NPEPPS: variants seen among roughly 807,000 people sequenced by gnomAD.
NPEPPS encodes the protein puromycin-sensitive aminopeptidase.
A neutral mutation model predicts 115.5 loss-of-function variants in NPEPPS; 14 were observed. That is an observed-to-expected ratio of 0.12 (90% CI 0.08 to 0.19). The LOEUF (loss-of-function observed/expected upper bound fraction) is 0.19, where lower values mean the gene tolerates loss of function less well. Among genes scored for constraint, NPEPPS ranks in the 10% least tolerant of loss-of-function variants. The pLI, the probability that NPEPPS is intolerant of heterozygous loss-of-function variation, is 1.00. For synonymous variants in NPEPPS, 285 were observed against 390.6 expected (o/e 0.73, Z 3.19); for missense variants, 523 against 1,110.8 (o/e 0.47, Z 7.52).
chr17:47,545,696 A>C (rs535362574), intron 1 of NPEPPS, among the ~76,000 whole-genome samples: 35 of 152,068 alleles, frequency 2.3e-4, no homozygotes, highest in African/African-American at 7.9e-4. Flanking sequence ...CTATAGGCAC[A>C]CATCACAACT....
At chr17:47,537,987 A>G (rs1206993717) in intron 1 of NPEPPS, among the ~76,000 whole-genome samples, 4 of 143,738 alleles carry the variant, frequency 2.8e-5, no homozygotes, top group East Asian at 2.1e-4. Context: ...TCCGCCTCCC[A>G]GGTTCAGGCA....
At chr17:47,560,625 C>T (rs1276743941) in intron 2 of NPEPPS, among the ~76,000 whole-genome samples, 1 of 152,174 alleles carries the variant, frequency 6.6e-6, no homozygotes. Context: ...TTGAATCCCC[C>T]TTGGATATCC....
At chr17:47,599,076 A>G (rs1234672922) in intron 13 of NPEPPS, among the ~76,000 whole-genome samples, 1 of 152,222 alleles carries the variant, frequency 6.6e-6, no homozygotes, top group Admixed American at 6.5e-5. Flanking sequence ...AGAGCTGTGT[A>G]ACATATCTTG....
chr17:47,555,058 AG>A (rs1567844217), intron 2 of NPEPPS, among the ~76,000 whole-genome samples: 1 of 152,180 alleles, frequency 6.6e-6, no homozygotes, highest in Non-Finnish European at 1.5e-5. Context: ...ACTGCAGATA[AG>A]GGGGGACTTG....
intron 1 of NPEPPS, among the ~76,000 whole-genome samples, chr17:47,544,238 A>C (rs992240354): frequency 4.0e-5 from 6 of 151,892 alleles, no homozygotes; most frequent in East Asian, 1.9e-4. Flanking sequence ...TCTACTCTCT[A>C]TGTCAGCCAG....
chr17:47,574,082 A>G (rs891927558), intron 3 of NPEPPS, among the ~76,000 whole-genome samples: 19 of 150,396 alleles, frequency 1.3e-4, no homozygotes, highest in Admixed American at 6.5e-4. Context: ...TAATGAAATT[A>G]CCACATATGA....
intron 2 of NPEPPS, among the ~76,000 whole-genome samples, chr17:47,553,825 A>G (rs1019051023): frequency 2.7e-5 from 4 of 149,572 alleles, no homozygotes; most frequent in Admixed American, 1.3e-4. Flanking sequence ...ATCTCAGCTC[A>G]CTGCAACCTC....
intron 16 of NPEPPS, among the ~76,000 whole-genome samples, chr17:47,604,635 T>C (rs190114847): frequency 2.8e-4 from 43 of 152,330 alleles, no homozygotes; most frequent in Non-Finnish European, 5.7e-4. Flanking sequence ...CTGGAAATTT[T>C]CCCTCCCCTC....
chr17:47,535,549 C>CA (rs1002859470), intron 1 of NPEPPS, among the ~76,000 whole-genome samples: 1,712 of 88,846 alleles, frequency 0.019, 34 homozygotes, highest in South Asian at 0.063. Context: ...GGCTCCGTCT[C>CA]AAAAAAAAAA....
intron 1 of NPEPPS, 151 bp from the exon 2 acceptor site, chr17:47,545,758 A>C: frequency 9.1e-7 from 1 of 1,101,396 alleles, no homozygotes; most frequent in Non-Finnish European, 1.3e-6. Flanking sequence ...CATGTTTTCC[A>C]GGCTGGTCTC....
chr17:47,615,159 C>T (rs1195898445), intron 19 of NPEPPS, among the ~76,000 whole-genome samples: 1 of 148,864 alleles, frequency 6.7e-6, no homozygotes, highest in Non-Finnish European at 1.5e-5. Context: ...CTCACTGCAA[C>T]CTCTGCCTCC....
At chr17:47,555,140 A>T (rs976591467) in intron 2 of NPEPPS, among the ~76,000 whole-genome samples, 6 of 152,128 alleles carry the variant, frequency 3.9e-5, no homozygotes, top group Non-Finnish European at 8.8e-5. Context: ...CGTATTTGAG[A>T]TTATTTTGTT....
chr17:47,555,865 C>T (rs1909974723), intron 2 of NPEPPS, among the ~76,000 whole-genome samples: 1 of 151,766 alleles, frequency 6.6e-6, no homozygotes, highest in Non-Finnish European at 1.5e-5. Flanking sequence ...ACCTGTAATC[C>T]ATGTTTGGAT....
chr17:47,554,944 G>C (rs919066786), intron 2 of NPEPPS, among the ~76,000 whole-genome samples: 18 of 152,154 alleles, frequency 1.2e-4, no homozygotes, highest in African/African-American at 3.4e-4. Flanking sequence ...ACACTATTCA[G>C]AACAGTACAG....
At chr17:47,582,650 T>G in intron 4 of NPEPPS, 92 bp from the exon 5 acceptor site, 1 of 819,308 alleles carries the variant, frequency 1.2e-6, no homozygotes, top group Non-Finnish European at 2.1e-6. Flanking sequence ...AACAAGGGAA[T>G]GAATGAATGA....
intron 2 of NPEPPS, among the ~76,000 whole-genome samples, chr17:47,547,737 T>C: frequency 6.6e-6 from 1 of 152,084 alleles, no homozygotes; most frequent in African/African-American, 2.4e-5. Context: ...TAATATAAAA[T>C]AATTTACGGC....
At chr17:47,526,694 C>T (rs1907445580), upstream of NPEPPS, among the ~76,000 whole-genome samples, 1 of 152,076 alleles carries the variant, frequency 6.6e-6, no homozygotes, top group Non-Finnish European at 1.5e-5. Context: ...CGCGGTGGCT[C>T]ACGCCTGTAA....
At chr17:47,524,273 T>C (rs1389938949) in intron 1 of NPEPPS, among the ~76,000 whole-genome samples, 1 of 151,102 alleles carries the variant, frequency 6.6e-6, no homozygotes, top group African/African-American at 2.4e-5. Context: ...TGTGCCACTG[T>C]ACTCCAGCCT....
intron 17 of NPEPPS, among the ~76,000 whole-genome samples, chr17:47,607,766 G>A (rs1292532234): frequency 1.3e-5 from 2 of 152,210 alleles, no homozygotes; most frequent in African/African-American, 2.4e-5. Flanking sequence ...GAAAGAAAGA[G>A]AAGTGTCATC....
Sources: allele counts gnomAD v4.1 joint callset (sites outside exome capture counted in the v4.1 genomes callset), GRCh38; gene constraint gnomAD v4.1.1; transcripts MANE v1.5; gene names NCBI Gene and HGNC (gene_info 2026-07-23, HGNC 2026-07-21).